Variants in FCRL6 observed in about 807,000 individuals in gnomAD.
The protein encoded by FCRL6 is Fc receptor like 6, also known as Fc receptor-like protein 6.
A neutral mutation model predicts 49.1 loss-of-function variants in FCRL6; 50 were observed. The ratio of observed to expected loss-of-function variants is 1.02; its 90% CI spans 0.81 to 1.29. The LOEUF (loss-of-function observed/expected upper bound fraction) is 1.29. FCRL6 is among the 50% of genes most tolerant of loss of function. The pLI, the probability that FCRL6 is intolerant of heterozygous loss-of-function variation, is 0.00. For synonymous variants in FCRL6, 213 were observed against 199.6 expected (o/e 1.07, Z -0.57); for missense variants, 571 against 518.5 (o/e 1.10, Z -0.98).
chr1:159,815,557 G>A lies in FCRL6; in HGVS notation c.1201G>A (p.Glu401Lys). The A allele has an allele frequency of 6.2e-7, 1 of 1,614,208 alleles. No homozygotes were observed. The highest frequency in any genetic ancestry group is 2.2e-5 in the East Asian group (1 of 44,886). ...ACAGGACAGTTCTATCATCTGTGCG[G>A]AGGTGAGATGCCTGCAGCCCAGTGA... ...GRKDSSIICA[E>K]VRCLQPSEVS... The change falls in exon 10 of 10, where the codon GAG becomes AAG. Residue 401 changes from glutamate (E) to lysine (K), a missense_variant. Glu to Lys is a moderately conservative substitution (Grantham distance 56). Coordinates refer to ENST00000368106, the MANE Select transcript of FCRL6 (RefSeq NM_001004310.3).
intron 6 of FCRL6, among the ~76,000 whole-genome samples, chr1:159,812,111 G>A (rs1463471684): frequency 6.6e-6 from 1 of 152,228 alleles, no homozygotes; most frequent in East Asian, 1.9e-4. Context: ...CAACCTTGGA[G>A]CAGGTGGGCT....
intron 3 of FCRL6, chr1:159,808,690 A>G (rs1662876392): frequency 1.6e-6 from 1 of 614,938 alleles, no homozygotes; most frequent in African/African-American, 1.9e-5. Flanking sequence ...AAGACCCTGG[A>G]CCAGTCCAGG....
In FCRL6 at chr1:159,809,237, G is replaced by C. The variant is rs748726982; in HGVS notation, c.596G>C (p.Arg199Thr). The C allele has an allele frequency of 6.4e-7, 1 of 1,567,884 alleles. No individual in the cohort carries two copies. Among genetic ancestry groups the C allele is most frequent in the Non-Finnish European group, 8.6e-7 (1 of 1,159,132 alleles). Residue 199 changes from arginine (R) to threonine (T), a missense_variant, in exon 4 of 10, where the codon AGA (arginine) becomes ACA (threonine). Transcript: ENST00000368106. ...AAGCAGAGCCCCCAGCTGGAGGTCA[G>C]AGTGCAGGGTAAGTGCGCGAGAGAG... ...VQKQSPQLEV[R>T]VQAPVSRPVL...
chr1:159,802,228 C>T (rs987269313), upstream of FCRL6: 44 of 553,086 alleles, frequency 8.0e-5, no homozygotes, highest in Non-Finnish European at 1.0e-4. Flanking sequence ...TCATGTAATA[C>T]TTCTTCAACC....
At chr1:159,804,917 C>G (rs1305955515) in intron 1 of FCRL6, among the ~76,000 whole-genome samples, 1 of 152,194 alleles carries the variant, frequency 6.6e-6, no homozygotes, top group Non-Finnish European at 1.5e-5. Context: ...AATGTAGTAA[C>G]CACTTTCCCA....
chr1:159,810,334 C>A, intron 6 of FCRL6, 118 bp downstream of exon 6: 2 of 1,267,600 alleles, frequency 1.6e-6, no homozygotes, highest in Non-Finnish European at 2.1e-6. Context: ...TGTGGAGTGG[C>A]AGGGGGGACT....
rs759936682 is a variant in FCRL6, at chr1:159,809,051, A to G, written c.410A>G (p.His137Arg). Residue 137 changes from histidine (H) to arginine (R), a missense_variant, in exon 4 of 10, where the codon CAC becomes CGC. Physicochemically the swap from His to Arg is conservative, Grantham distance 29. Transcript: ENST00000368106. ...LVTLRCQTKL[H>R]PLRSALRLLF... Reference sequence around the variant, plus strand: ...ACCCTGAGATGTCAGACAAAGCTGCACCCCCTGAGGTCAGCCTTGAGGCTC... The same window carrying G: ...ACCCTGAGATGTCAGACAAAGCTGCGCCCCCTGAGGTCAGCCTTGAGGCTC... The G allele has an allele frequency of 1.9e-6, 3 of 1,613,714 alleles. No individual in the cohort carries two copies. The highest frequency in any genetic ancestry group is 2.5e-6 in the Non-Finnish European group (3 of 1,179,876).
At chr1:159,810,891 A>G (rs1028898286) in intron 6 of FCRL6, among the ~76,000 whole-genome samples, 2 of 152,172 alleles carry the variant, frequency 1.3e-5, no homozygotes, top group African/African-American at 4.8e-5. Flanking sequence ...TAATGAGATA[A>G]CATTTATCTA....
At position 159,808,872 on chromosome 1, in the gene FCRL6, C is replaced by T. The variant is rs73030817; in HGVS notation, c.320-89C>T. On this transcript the variant is annotated intron_variant, in intron 3 of 9. Coordinates refer to ENST00000368106, the MANE Select transcript of FCRL6 (RefSeq NM_001004310.3). ...TCCCATCGGGGTCCCCGGGCTGCAGCCTGAGATGAGTAGAAGCTCAGGCCT... is the reference window on the plus strand; with the variant it reads ...TCCCATCGGGGTCCCCGGGCTGCAGTCTGAGATGAGTAGAAGCTCAGGCCT... 5.1e-3 allele frequency: 7,213 copies of T among 1,401,628 alleles called. 293 individuals are homozygous for T. The African/African-American group carries it at 0.088, about 17-fold the overall frequency. 86.8% of individuals were successfully genotyped at this position (1,401,628 alleles called of 1,614,324 possible).
intron 1 of FCRL6, among the ~76,000 whole-genome samples, chr1:159,805,543 C>T (rs6699933): frequency 0.044 from 6,719 of 152,276 alleles, 489 homozygotes; most frequent in African/African-American, 0.15. Context: ...CCTTCAATTT[C>T]AGGTCTTCCA....
At position 159,815,590 on chromosome 1, in the gene FCRL6, T is replaced by C; in HGVS notation, c.1234T>C (p.Ser412Pro). 1 of 1,614,188 alleles carries C rather than the reference T, an allele frequency of 6.2e-7. No homozygotes were observed. The highest frequency in any genetic ancestry group is 8.5e-7 in the Non-Finnish European group (1 of 1,180,024). Residue 412 changes from serine (S) to proline (P), a missense_variant, in exon 10 of 10, where the codon TCC (serine) becomes CCC (proline). Physicochemically the swap from Ser to Pro is moderately conservative, Grantham distance 74. Transcript: ENST00000368106. The part of the protein sequence containing the change: ...VRCLQPSEVS[S>P]TEVNMRSRTL... ...ATGCCTGCAGCCCAGTGAGGTTTCA[T>C]CCACGGAGGTGAATATGAGAAGCAG...
rs1374525397 is a variant in FCRL6, at chr1:159,808,158, C to T, written c.53-20C>T. The T allele has an allele frequency of 3.8e-6, 6 of 1,597,422 alleles. No homozygotes were observed. Among genetic ancestry groups the T allele is most frequent in the Non-Finnish European group, 5.1e-6 (6 of 1,169,448 alleles). ...ATGGGACCTGTAGCTCCAGGGCTGC[C>T]CTGTTCCTCTGTCTCGCAGTCTGGC... is the stretch of plus-strand genomic sequence containing the variant. On this transcript the variant is annotated intron_variant, in intron 2 of 9. Coordinates refer to ENST00000368106, the MANE Select transcript of FCRL6 (RefSeq NM_001004310.3).
intron 1 of FCRL6, among the ~76,000 whole-genome samples, chr1:159,804,276 C>T (rs1302076041): frequency 6.6e-6 from 1 of 152,194 alleles, no homozygotes; most frequent in Non-Finnish European, 1.5e-5. Context: ...CATGATCCCT[C>T]TAGTTTCCAT....
At position 159,813,164 on chromosome 1, in the gene FCRL6, G is replaced by C. The variant is rs1489691980; in HGVS notation, c.1010-325G>C. Among the ~76,000 whole-genome samples the C allele has an allele frequency of 2.0e-5, 3 of 152,204 alleles. 1 individual carries two copies. The highest frequency in any genetic ancestry group is 1.5e-5 in the Non-Finnish European group (1 of 68,044). ...TGCCTGGCCCAGTGTCTGGCATATA[G>C]TGTATGGTCAAAGTTATTAGCTTTT... On this transcript the variant is annotated intron_variant, in intron 6 of 9. Coordinates refer to ENST00000368106, the MANE Select transcript of FCRL6 (RefSeq NM_001004310.3).
At chr1:159,809,321 T>G in intron 4 of FCRL6, 76 bp downstream of exon 4, 1 of 1,525,908 alleles carries the variant, frequency 6.6e-7, no homozygotes, top group Non-Finnish European at 8.8e-7. Flanking sequence ...ACTAAAGGAG[T>G]TGGGGGAAGG....
chr1:159,803,850 C>T (rs1305139410), intron 1 of FCRL6, among the ~76,000 whole-genome samples: 1 of 152,136 alleles, frequency 6.6e-6, no homozygotes, highest in Non-Finnish European at 1.5e-5. Context: ...AACACAGACA[C>T]TGGGGCTGGG....
intron 1 of FCRL6, among the ~76,000 whole-genome samples, chr1:159,804,028 A>G (rs902817320): frequency 1.3e-5 from 2 of 152,196 alleles, no homozygotes; most frequent in Non-Finnish European, 2.9e-5. Context: ...AATGTGAAAT[A>G]TGTATTTAAA....
intron 7 of FCRL6, 47 bp from the exon 8 acceptor site, chr1:159,814,174 G>A (rs770259415): frequency 2.6e-6 from 4 of 1,544,000 alleles, no homozygotes; most frequent in East Asian, 4.5e-5. Context: ...ATGACATGAG[G>A]TGGGAGAGTC....
chr1:159,802,533 C>A, intron 1 of FCRL6, 78 bp downstream of exon 1: 1 of 1,310,900 alleles, frequency 7.6e-7, no homozygotes, highest in Non-Finnish European at 1.1e-6. Context: ...AGTTCCTCAT[C>A]TTACCTTTCC....
Sources: gnomAD v4.1 joint callset for allele counts (sites outside exome capture counted in the v4.1 genomes callset) on GRCh38, gnomAD v4.1.1 for gene constraint, MANE v1.5 for transcripts, NCBI Gene and HGNC (gene_info 2026-07-23, HGNC 2026-07-21) for gene names.